PDXDC1: variants seen among roughly 807,000 people sequenced by gnomAD.
PDXDC1 encodes the protein pyridoxal-dependent decarboxylase domain-containing protein 1.
In PDXDC1, 42 loss-of-function variants were observed where a neutral mutation model predicts 100.1. That is an observed-to-expected ratio of 0.42 (90% CI 0.33 to 0.54). The LOEUF is 0.54. Ranked by LOEUF, PDXDC1 falls within the 20% of genes least tolerant of loss-of-function variation. The pLI, the probability that PDXDC1 is intolerant of heterozygous loss-of-function variation, is 0.10. For synonymous variants in PDXDC1, 260 were observed against 371.7 expected (o/e 0.70, Z 3.46); for missense variants, 636 against 979.2 (o/e 0.65, Z 4.68).
intron 12 of PDXDC1, among the ~76,000 whole-genome samples, chr16:15,020,506 C>A (rs1479397656): frequency 6.6e-6 from 1 of 152,150 alleles, no homozygotes; most frequent in South Asian, 2.1e-4. Flanking sequence ...CTGGCTAACA[C>A]GGTGAAACCC....
chr16:15,047,358 T>C, intron 16 of PDXDC1: 1 of 888,712 alleles, frequency 1.1e-6, no homozygotes, highest in Non-Finnish European at 1.9e-6. Context: ...GCATCCTGTG[T>C]TCCCCTAACA....
At chr16:15,147,986 G>GTT in the PDXDC1 span, among the ~76,000 whole-genome samples, 5 of 151,142 alleles carry the variant, frequency 3.3e-5, no homozygotes, top group Non-Finnish European at 7.4e-5. Flanking sequence ...CGCCCACCCT[G>GTT]TTTTTTTGTT....
chr16:15,134,145 C>A (rs1414628498), intron 16 of PDXDC1: 2 of 1,245,512 alleles, frequency 1.6e-6, no homozygotes, highest in African/African-American at 2.9e-5. Context: ...CTGCAGGCCC[C>A]GTCCCCTCGG....
At chr16:15,022,880 AAAAAC>A (rs1488807874) in intron 13 of PDXDC1, 126 bp downstream of exon 13, 6 of 817,958 alleles carry the variant, frequency 7.3e-6, no homozygotes, top group Admixed American at 3.3e-5. Flanking sequence ...GCTCCAGTAA[AAAAAC>A]AAAACAAAAA....
At chr16:15,143,239 AG>A (rs1220840498), downstream of PDXDC1, among the ~76,000 whole-genome samples, 2 of 152,204 alleles carry the variant, frequency 1.3e-5, no homozygotes, top group East Asian at 1.9e-4. Context: ...TGGGTGGAGA[AG>A]GAAGTCCCAG....
chr16:15,036,298 T>C lies in PDXDC1; in HGVS notation c.*23T>C. ...TGAGACTCATTGTGTGGTTTGAGAC[T>C]GTACTGAGTATTGTTTCAGGGAAGA... On this transcript the variant is annotated 3_prime_UTR_variant, in exon 23 of 23. Coordinates refer to ENST00000396410, the MANE Select transcript of PDXDC1 (RefSeq NM_015027.4). 3.8e-6 allele frequency: 6 copies of C among 1,587,236 alleles called. No homozygotes were observed. Among genetic ancestry groups the C allele is most frequent in the Non-Finnish European group, 5.2e-6 (6 of 1,161,954 alleles).
rs1443832367 is a variant in PDXDC1, at chr16:15,038,165, G to A, written c.*1890G>A. Reference sequence around the variant, plus strand: ...AAAAACATCAAGGTAGATCTAATATGTTCAACAAAGTGGGGTGGCTCAGCC... The same window carrying A: ...AAAAACATCAAGGTAGATCTAATATATTCAACAAAGTGGGGTGGCTCAGCC... On this transcript the variant is annotated 3_prime_UTR_variant, in exon 23 of 23. Transcript: ENST00000396410. The A allele has an allele frequency of 1.2e-6, 2 of 1,613,388 alleles. No individual in the cohort carries two copies. The highest frequency in any genetic ancestry group is 1.7e-6 in the Non-Finnish European group (2 of 1,179,580).
At chr16:15,032,633 C>T in intron 17 of PDXDC1, 1 of 379,618 alleles carries the variant, frequency 2.6e-6, no homozygotes, top group Non-Finnish European at 4.6e-6. Context: ...CAGCCTGGGC[C>T]ACCAAGTGAG....
At chr16:15,062,568 G>A (rs1441894698) in intron 16 of PDXDC1, among the ~76,000 whole-genome samples, 2 of 152,272 alleles carry the variant, frequency 1.3e-5, no homozygotes, top group East Asian at 1.9e-4. Flanking sequence ...ATGTGACCTG[G>A]AGGGTATGTT....
At chr16:15,140,636 A>G (rs566299068), downstream of PDXDC1, among the ~76,000 whole-genome samples, 24 of 152,210 alleles carry the variant, frequency 1.6e-4, no homozygotes, top group African/African-American at 5.8e-4. Flanking sequence ...GGGCGGCAGC[A>G]TGTCTCTCTT....
In PDXDC1 at chr16:15,110,703, G is replaced by A. The variant is rs2047010056; in HGVS notation, c.1400-28176G>A. ...GGCAAACTCATTTCCACACTATGGGGACTCCAACAGAACCATACCTTCCTG... is the reference window on the plus strand; with the variant it reads ...GGCAAACTCATTTCCACACTATGGGAACTCCAACAGAACCATACCTTCCTG... On this transcript the variant is annotated intron_variant, in intron 16 of 16. Coordinates refer to the PDXDC1 transcript ENST00000535621. The A allele has an allele frequency of 7.6e-6, 12 of 1,587,738 alleles. 2 individuals carry two copies. In the South Asian group the frequency reaches 1.1e-4, roughly 15 times the overall value.
chr16:15,028,112 T>C (rs546771052), intron 14 of PDXDC1, among the ~76,000 whole-genome samples: 1,011 of 152,060 alleles, frequency 6.6e-3, no homozygotes, highest in African/African-American at 0.023. Flanking sequence ...CTGCACACTC[T>C]GCCCCGAATT....
At chr16:15,034,215 T>A in intron 19 of PDXDC1, 71 bp from the exon 20 acceptor site, 1 of 1,319,174 alleles carries the variant, frequency 7.6e-7, no homozygotes, top group South Asian at 1.2e-5. Flanking sequence ...CCCTCAGTGC[T>A]GTGTTACTAG....
At chr16:15,088,878 T>C (rs1250967945) in intron 16 of PDXDC1, among the ~76,000 whole-genome samples, 1 of 151,892 alleles carries the variant, frequency 6.6e-6, no homozygotes. Context: ...ATGGACTCAA[T>C]GAAGGAACAA....
chr16:15,030,646 C>T (rs1410905622), intron 16 of PDXDC1, among the ~76,000 whole-genome samples: 3 of 148,268 alleles, frequency 2.0e-5, no homozygotes, highest in Non-Finnish European at 4.5e-5. Context: ...TGCAGTGGTG[C>T]GATCATGGCT....
intron 16 of PDXDC1, among the ~76,000 whole-genome samples, chr16:15,049,122 G>C (rs1006717147): frequency 6.0e-5 from 9 of 149,908 alleles, no homozygotes; most frequent in African/African-American, 2.2e-4. Flanking sequence ...TCAAACTCCT[G>C]GGCTCAAGCA....
intron 16 of PDXDC1, chr16:15,137,872 C>G: frequency 2.0e-6 from 2 of 992,836 alleles, no homozygotes; most frequent in Non-Finnish European, 3.1e-6. Flanking sequence ...CCGCCCATCG[C>G]GGCAGCCACG....
chr16:15,039,913 T>TAAAAAAAAAAA, downstream of PDXDC1: 1 of 1,008,520 alleles, frequency 9.9e-7, no homozygotes, highest in Non-Finnish European at 1.5e-6. Flanking sequence ...CTTAAGGCCT[T>TAAAAAAAAAAA]GACATTTGAT....
At chr16:14,989,337 A>G in intron 1 of PDXDC1, 2 of 1,612,672 alleles carry the variant, frequency 1.2e-6, no homozygotes, top group South Asian at 1.1e-5. Context: ...CTTGGGAGCC[A>G]CTTGGAGGCG....
Sources: allele counts gnomAD v4.1 joint callset (sites outside exome capture counted in the v4.1 genomes callset), GRCh38; gene constraint gnomAD v4.1.1; transcripts MANE v1.5; gene names NCBI Gene and HGNC (gene_info 2026-07-23, HGNC 2026-07-21).